Variants in TRIM9 observed in about 807,000 individuals in gnomAD.
TRIM9 encodes E3 ubiquitin-protein ligase TRIM9.
In TRIM9, 26 loss-of-function variants were observed where a neutral mutation model predicts 78.3. The ratio of observed to expected loss-of-function variants is 0.33; its 90% confidence interval spans 0.24 to 0.46. The LOEUF is 0.46. TRIM9 is among the 20% of genes least tolerant of loss of function. The probability of loss-of-function intolerance (pLI) is 1.00; values close to 1 mark genes in which losing one functional copy is unlikely to be tolerated. For synonymous variants in TRIM9, 398 were observed against 416.5 expected (o/e 0.96, Z 0.54); for missense variants, 787 against 1,036.4 (o/e 0.76, Z 3.30).
At chr14:51,064,112 G>C (rs2061557940) in intron 1 of TRIM9, among the ~76,000 whole-genome samples, 1 of 152,094 alleles carries the variant, frequency 6.6e-6, no homozygotes, top group Non-Finnish European at 1.5e-5. Flanking sequence ...CTGAATGGTT[G>C]CAAGGTTCTG....
chr14:51,070,420 T>C (rs1255615564), intron 1 of TRIM9, among the ~76,000 whole-genome samples: 1 of 152,312 alleles, frequency 6.6e-6, no homozygotes, highest in East Asian at 1.9e-4. Context: ...ATATTCAGTA[T>C]TCATTAATTC....
rs533444295 is a variant in TRIM9, at chr14:51,060,562, G to A, written c.822+33556C>T. 2.0e-4 allele frequency among the ~76,000 whole-genome samples: 31 copies of A among 152,224 alleles called. No individual in the cohort carries two copies. In the South Asian group the frequency reaches 6.2e-3, roughly 31 times the overall value. On this transcript the variant is annotated intron_variant, in intron 1 of 12. Coordinates refer to ENST00000684578, the MANE Select transcript of TRIM9 (RefSeq NM_001387360.1). The stretch of plus-strand genomic sequence containing the variant: ...GCTGACTGCAAGCTCCACTTCCAGG[G>A]TTCACACCATTCTCCTGCCTCAGCC...
chr14:51,041,431 G>A (rs1415375862), intron 1 of TRIM9, among the ~76,000 whole-genome samples: 1 of 152,234 alleles, frequency 6.6e-6, no homozygotes, highest in African/African-American at 2.4e-5. Context: ...TCTGCTCCTC[G>A]CCCAAGTGTG....
rs183165694 is a variant in TRIM9, at chr14:50,988,040, G to A, written c.1604-1896C>T. ...GGTCTTGAACTCCTGAGCTCAAAGC[G>A]ATCTGCCTGCCCCAGCCTCCCAAAG... On this transcript the variant is annotated intron_variant, in intron 7 of 12. Transcript: ENST00000684578. Among the ~76,000 whole-genome samples the A allele has an allele frequency of 8.5e-5, 13 of 152,238 alleles. No homozygotes were observed. The East Asian group carries it at 1.4e-3, about 16-fold the overall frequency.
intron 1 of TRIM9, among the ~76,000 whole-genome samples, chr14:51,054,437 T>C (rs2060719069): frequency 1.5e-5 from 1 of 66,668 alleles, no homozygotes; most frequent in Non-Finnish European, 3.0e-5. Context: ...CATGCCCAGC[T>C]GTTTTTTGTA....
chr14:50,978,998 T>C, intron 12 of TRIM9: 1 of 1,187,898 alleles, frequency 8.4e-7, no homozygotes, highest in East Asian at 3.7e-5. Context: ...ATACTAATGC[T>C]TCAGTCTTAC....
At chr14:50,998,309 C>G in intron 6 of TRIM9, 121 bp from the exon 7 acceptor site, 5 of 941,208 alleles carry the variant, frequency 5.3e-6, no homozygotes, top group Non-Finnish European at 8.0e-6. Context: ...GGATTTGAAT[C>G]CTGTGAGATA....
At chr14:51,067,369 C>G (rs535912733) in intron 1 of TRIM9, among the ~76,000 whole-genome samples, 145 of 152,292 alleles carry the variant, frequency 9.5e-4, no homozygotes, top group African/African-American at 3.4e-3. Flanking sequence ...ACGACAACAG[C>G]CTACTAACTT....
At chr14:51,025,417 C>CCACACAGGTGTTTT (rs11268748) in intron 1 of TRIM9, 57 bp from the exon 2 acceptor site, 1,219,478 of 1,509,292 alleles carry the variant, frequency 0.81, 495,639 homozygotes, top group African/African-American at 0.9. Context: ...ACCAACAAGG[C>CCACACAGGTGTTTT]CAGCGAGACT....
intron 1 of TRIM9, among the ~76,000 whole-genome samples, chr14:51,053,474 C>T (rs990644209): frequency 1.4e-5 from 2 of 145,206 alleles, no homozygotes; most frequent in African/African-American, 2.5e-5. Context: ...CTCAGACACA[C>T]AAGCTCAACT....
chr14:51,035,976 T>C (rs912819825), intron 1 of TRIM9, among the ~76,000 whole-genome samples: 7 of 152,226 alleles, frequency 4.6e-5, no homozygotes, highest in Admixed American at 2.0e-4. Flanking sequence ...TGCCACTGTA[T>C]TAGTTTCACG....
chr14:51,017,928 T>G (rs925789674), intron 3 of TRIM9, among the ~76,000 whole-genome samples: 1 of 152,148 alleles, frequency 6.6e-6, no homozygotes, highest in Non-Finnish European at 1.5e-5. Context: ...TGATTTTTGC[T>G]CCTATGTGGT....
At chr14:51,036,768 C>T (rs1340192647) in intron 1 of TRIM9, among the ~76,000 whole-genome samples, 1 of 152,172 alleles carries the variant, frequency 6.6e-6, no homozygotes, top group Non-Finnish European at 1.5e-5. Context: ...CTCTCTCACT[C>T]TCTGGTATAA....
chr14:50,993,751 C>T (rs918863978), intron 7 of TRIM9, among the ~76,000 whole-genome samples: 2 of 152,170 alleles, frequency 1.3e-5, no homozygotes, highest in Admixed American at 1.3e-4. Context: ...AGTTTTCCCT[C>T]TCTTTCTTTC....
In TRIM9 at chr14:50,979,391, A is replaced by G; in HGVS notation, c.2321T>C (p.Val774Ala). The G allele has an allele frequency of 6.2e-7, 1 of 1,614,204 alleles. No individual in the cohort carries two copies. Among genetic ancestry groups the G allele is most frequent in the Non-Finnish European group, 8.5e-7 (1 of 1,180,032 alleles). ...FFPAVSLNRN[V>A]QVTLHTGLPV... ...CCTCAGGGGCAGGGTGCTTACCTGC[A>G]CGTTCCTGTTCAGGCTGACCGCAGG... is the stretch of plus-strand genomic sequence containing the variant. Residue 774 changes from valine to alanine, a missense_variant, in exon 12 of 13, where the codon GTG becomes GCG. Val to Ala is a moderately conservative substitution (Grantham distance 64). Around this residue, in one of 3 missense-constraint regions of TRIM9, gnomAD observed 421 missense variants for 514.3 expected, o/e 0.82. Coordinates refer to ENST00000684578, the MANE Select transcript of TRIM9 (RefSeq NM_001387360.1).
In TRIM9 at chr14:51,048,679, T is replaced by C. The variant is rs180811461; in HGVS notation, c.823-23319A>G. ...CCTGGTTCTACTTTGGGTGAGGTGG[T>C]TTAACAAAACATCCCATCTCGGGGG... On this transcript the variant is annotated intron_variant, in intron 1 of 12. Coordinates refer to ENST00000684578, the MANE Select transcript of TRIM9 (RefSeq NM_001387360.1). Among the ~76,000 whole-genome samples the C allele has an allele frequency of 1.8e-4, 27 of 152,048 alleles. No individual in the cohort carries two copies. The East Asian group carries it at 5.3e-3, about 30-fold the overall frequency.
chr14:50,986,035 G>A lies in TRIM9; in HGVS notation c.1713C>T (p.Pro571=). The change falls in exon 8 of 13, where the codon CCC becomes CCT. Residue 571 remains proline, a synonymous_variant. Transcript: ENST00000684578. ...SSTLNLQPSF[P]GRSYFDFRSS... ...ATCGGAAATCAAAGTAGGATCTCCC[G>A]GGGAAGCTGGGTTGTAGATTAAGGG... 1.9e-6 allele frequency: 3 copies of A among 1,549,486 alleles called. No homozygotes were observed. The highest frequency in any genetic ancestry group is 2.4e-5 in the East Asian group (1 of 40,826).
chr14:51,041,244 T>C (rs901457467), intron 1 of TRIM9, among the ~76,000 whole-genome samples: 2 of 152,238 alleles, frequency 1.3e-5, no homozygotes. Flanking sequence ...AATCTCACCA[T>C]GGGAATTAGT....
chr14:50,983,007 G>C (rs1342869310), intron 9 of TRIM9, 42 bp from the exon 10 acceptor site: 2 of 1,542,278 alleles, frequency 1.3e-6, no homozygotes. Context: ...AGAGAGATAG[G>C]AAGCAAAATT....
Sources: allele counts gnomAD v4.1 joint callset (sites outside exome capture counted in the v4.1 genomes callset), GRCh38; gene constraint gnomAD v4.1.1; regional missense constraint gnomAD v4.1.1; transcripts MANE v1.5; gene names NCBI Gene and HGNC (gene_info 2026-07-23, HGNC 2026-07-21).